Variants in DLG2 observed in about 807,000 individuals in gnomAD.
DLG2 encodes disks large homolog 2.
A neutral mutation model predicts 132.5 loss-of-function variants in DLG2; 45 were observed. The ratio of observed to expected loss-of-function variants is 0.34; its 90% CI spans 0.27 to 0.44. The LOEUF (loss-of-function observed/expected upper bound fraction) is 0.44. DLG2 is among the 20% of genes least tolerant of loss of function. The probability of loss-of-function intolerance (pLI) is 1.00; values close to 1 mark genes in which losing one functional copy is unlikely to be tolerated. For synonymous variants in DLG2, 424 were observed against 419.6 expected (o/e 1.01, Z -0.13); for missense variants, 1,045 against 1,196.9 (o/e 0.87, Z 1.87).
At chr11:85,378,600 A>G (rs2085622734) in intron 3 of DLG2, among the ~76,000 whole-genome samples, 1 of 152,138 alleles carries the variant, frequency 6.6e-6, no homozygotes, top group Non-Finnish European at 1.5e-5. Flanking sequence ...AAAAAAATGA[A>G]CTATCTTTTC....
intron 3 of DLG2, among the ~76,000 whole-genome samples, chr11:85,423,234 G>A (rs1055644586): frequency 6.6e-6 from 1 of 152,140 alleles, no homozygotes; most frequent in African/African-American, 2.4e-5. Flanking sequence ...CACCCAGCAA[G>A]TCTACCAAGT....
Position 85,397,102 on chromosome 11 carries a change from G to A in DLG2, c.41-111737C>T, listed in dbSNP as rs150319030. Among the ~76,000 whole-genome samples the A allele has an allele frequency of 8.2e-3, 1,244 of 152,302 alleles. 15 individuals carry two copies. Among genetic ancestry groups the A allele is most frequent in the African/African-American group, 0.028 (1,171 of 41,572 alleles). On this transcript the variant is annotated intron_variant, in intron 3 of 27. Coordinates refer to ENST00000376104, the MANE Select transcript of DLG2 (RefSeq NM_001142699.3). ...CTCTCAGCAGGAACCCTACAAGCCA[G>A]AAGAGAGCAGGGGCCAATATTCAAC... is the stretch of plus-strand genomic sequence containing the variant.
intron 6 of DLG2, among the ~76,000 whole-genome samples, chr11:84,548,113 T>C (rs1019850): frequency 1.3e-5 from 2 of 152,024 alleles, no homozygotes; most frequent in African/African-American, 4.8e-5. Context: ...CCTGACAAAG[T>C]GTATTAGCTG....
chr11:83,740,712 A>T (rs1292699271), intron 18 of DLG2, among the ~76,000 whole-genome samples: 1 of 152,212 alleles, frequency 6.6e-6, no homozygotes, highest in Non-Finnish European at 1.5e-5. Context: ...AGTAAAGATG[A>T]TATATTAGCA....
At chr11:84,880,318 T>C (rs2087098031) in intron 6 of DLG2, among the ~76,000 whole-genome samples, 1 of 151,986 alleles carries the variant, frequency 6.6e-6, no homozygotes, top group South Asian at 2.1e-4. Context: ...CATGAATAAT[T>C]TCCAACTGGG....
chr11:83,579,486 G>C (rs1317863773), intron 19 of DLG2, among the ~76,000 whole-genome samples: 4 of 152,060 alleles, frequency 2.6e-5, no homozygotes, highest in Non-Finnish European at 5.9e-5. Flanking sequence ...AAAAACTAAA[G>C]ACAAAATTAA....
At chr11:84,297,810 T>C (rs2098111107) in intron 7 of DLG2, among the ~76,000 whole-genome samples, 1 of 152,070 alleles carries the variant, frequency 6.6e-6, no homozygotes, top group African/African-American at 2.4e-5. Context: ...ACACTTTCTC[T>C]TGTCCACACT....
At chr11:84,157,886 G>A (rs185433549) in intron 9 of DLG2, among the ~76,000 whole-genome samples, 5 of 152,280 alleles carry the variant, frequency 3.3e-5, no homozygotes, top group African/African-American at 1.2e-4. Flanking sequence ...CTACTGTAGA[G>A]GAGGAGTCGT....
At chr11:85,007,297 A>G (rs546397698) in intron 6 of DLG2, among the ~76,000 whole-genome samples, 7 of 152,336 alleles carry the variant, frequency 4.6e-5, no homozygotes, top group Admixed American at 4.6e-4. Flanking sequence ...TGACCTAGAT[A>G]AAAGAGAAAA....
intron 6 of DLG2, among the ~76,000 whole-genome samples, chr11:84,622,304 C>G (rs1359983180): frequency 6.6e-6 from 1 of 152,132 alleles, no homozygotes; most frequent in African/African-American, 2.4e-5. Context: ...AGTTCACCAC[C>G]AGAAAGAGTC....
At chr11:85,039,382 TAGTG>T (rs1171841307) in intron 6 of DLG2, among the ~76,000 whole-genome samples, 1 of 151,910 alleles carries the variant, frequency 6.6e-6, no homozygotes, top group East Asian at 1.9e-4. Context: ...ACTTCTTCAC[TAGTG>T]ATATCCAAAT....
At chr11:85,070,591 A>T (rs931895228) in intron 6 of DLG2, among the ~76,000 whole-genome samples, 1 of 151,858 alleles carries the variant, frequency 6.6e-6, no homozygotes, top group African/African-American at 2.4e-5. Context: ...AAACTTTAAG[A>T]AGTATAAGCA....
At chr11:83,855,788 C>T (rs1221909057) in intron 16 of DLG2, among the ~76,000 whole-genome samples, 1 of 151,722 alleles carries the variant, frequency 6.6e-6, no homozygotes, top group African/African-American at 2.4e-5. Context: ...TGCAGTGAGC[C>T]AAGACCGTGC....
At chr11:83,738,093 C>T (rs1230345823) in intron 18 of DLG2, among the ~76,000 whole-genome samples, 1 of 152,158 alleles carries the variant, frequency 6.6e-6, no homozygotes, top group Non-Finnish European at 1.5e-5. Context: ...AATTCTCTTC[C>T]TCCTGATCCT....
At chr11:84,510,979 T>C (rs2099255627) in intron 7 of DLG2, among the ~76,000 whole-genome samples, 1 of 152,156 alleles carries the variant, frequency 6.6e-6, no homozygotes, top group Non-Finnish European at 1.5e-5. Context: ...GATAACTTCT[T>C]ACATGGAACA....
chr11:84,763,775 T>G lies in DLG2; in HGVS notation c.358-229044A>C, dbSNP rs115961572. Among the ~76,000 whole-genome samples the G allele has an allele frequency of 3.7e-3, 565 of 152,274 alleles. 1 individual carries two copies. Among genetic ancestry groups the G allele is most frequent in the African/African-American group, 0.013 (528 of 41,554 alleles). ...TAACTTTTTTTAAATGCCATTAATT[T>G]TATAGTGGAATTCAATGTAAGAGTA... On this transcript the variant is annotated intron_variant, in intron 6 of 27. Transcript: ENST00000376104.
At chr11:84,592,621 G>T (rs1181959904) in intron 6 of DLG2, among the ~76,000 whole-genome samples, 1 of 151,484 alleles carries the variant, frequency 6.6e-6, no homozygotes, top group Non-Finnish European at 1.5e-5. Flanking sequence ...AAATTTACAA[G>T]AAAAAAAGAA....
intron 7 of DLG2, among the ~76,000 whole-genome samples, chr11:84,280,867 A>ATTTTTTTTTTTTTTTTTTTTTTTTTT: frequency 1.5e-5 from 1 of 67,708 alleles, no homozygotes; most frequent in Non-Finnish European, 2.6e-5. Context: ...TGCCCAGCCA[A>ATTTTTTTTTTTTTTTTTTTTTTTTTT]TTTTTTTTTT....
At chr11:83,871,913 A>G (rs1163065507) in intron 16 of DLG2, among the ~76,000 whole-genome samples, 1 of 152,204 alleles carries the variant, frequency 6.6e-6, no homozygotes, top group African/African-American at 2.4e-5. Context: ...GACTAAGTGT[A>G]TATTTAACTA....
Sources: allele counts gnomAD v4.1 joint callset (sites outside exome capture counted in the v4.1 genomes callset), GRCh38; gene constraint gnomAD v4.1.1; transcripts MANE v1.5; gene names NCBI Gene and HGNC (gene_info 2026-07-23, HGNC 2026-07-21).